RANBP2: variants seen among roughly 807,000 people sequenced by gnomAD.
RANBP2 encodes the protein E3 SUMO-protein ligase RanBP2.
A neutral mutation model predicts 303.6 loss-of-function variants in RANBP2; 57 were observed. The ratio of observed to expected loss-of-function variants is 0.19; its 90% CI spans 0.15 to 0.23. The LOEUF (loss-of-function observed/expected upper bound fraction) is 0.23, where lower values mean the gene tolerates loss of function less well. RANBP2 is among the 10% of genes least tolerant of loss of function. RANBP2 has a pLI of 1.00. For synonymous variants in RANBP2, 1,167 were observed against 1,301.5 expected (o/e 0.90, Z 2.23); for missense variants, 3,138 against 3,780.8 (o/e 0.83, Z 4.46).
At chr2:108,896,730 T>C in the RANBP2 span, 1 of 640,992 alleles carries the variant, frequency 1.6e-6, no homozygotes. Flanking sequence ...TAGTCCTTTA[T>C]CTTTGGTTAA....
At chr2:108,960,102 T>A in the RANBP2 span, among the ~76,000 whole-genome samples, 1 of 152,198 alleles carries the variant, frequency 6.6e-6, no homozygotes, top group Non-Finnish European at 1.5e-5. Flanking sequence ...GCACACCCTG[T>A]GGCTGGGTCC....
chr2:109,265,589 A>C, the RANBP2 span, among the ~76,000 whole-genome samples: 2 of 152,214 alleles, frequency 1.3e-5, no homozygotes, highest in African/African-American at 4.8e-5. Context: ...TTCCTCTCCC[A>C]GATGACTCAG....
chr2:109,145,205 G>A, the RANBP2 span, among the ~76,000 whole-genome samples: 4 of 152,156 alleles, frequency 2.6e-5, no homozygotes, highest in Non-Finnish European at 5.9e-5. Context: ...AGACAGAGCC[G>A]TGTCCTGGCT....
chr2:109,129,552 A>T, the RANBP2 span: 1 of 1,495,590 alleles, frequency 6.7e-7, no homozygotes, highest in Non-Finnish European at 8.9e-7. Flanking sequence ...TGCTGCTCGG[A>T]GCGTCCTGGC....
At chr2:109,727,947 T>C in the RANBP2 span, among the ~76,000 whole-genome samples, 1 of 152,188 alleles carries the variant, frequency 6.6e-6, no homozygotes, top group Non-Finnish European at 1.5e-5. Flanking sequence ...GCAAAGTCTA[T>C]GCTCCTTCCC....
the RANBP2 span, chr2:109,616,755 A>C: frequency 5.4e-5 from 9 of 167,114 alleles, no homozygotes; most frequent in Non-Finnish European, 1.2e-4. Flanking sequence ...TATGGTTTCC[A>C]CCTATCTCTA....
the RANBP2 span, among the ~76,000 whole-genome samples, chr2:109,424,442 A>G: frequency 6.6e-6 from 1 of 151,884 alleles, no homozygotes; most frequent in Non-Finnish European, 1.5e-5. Flanking sequence ...ACCTCATTTC[A>G]TCGCACTTCA....
the RANBP2 span, among the ~76,000 whole-genome samples, chr2:109,553,513 C>T: frequency 6.7e-6 from 1 of 149,512 alleles, no homozygotes; most frequent in African/African-American, 2.5e-5. Context: ...CACTGCACTC[C>T]AGCCTGGGTG....
the RANBP2 span, among the ~76,000 whole-genome samples, chr2:109,106,621 G>T: frequency 6.6e-6 from 1 of 152,096 alleles, no homozygotes; most frequent in Non-Finnish European, 1.5e-5. Context: ...TGGATCATGA[G>T]GTCAGGAGAT....
the RANBP2 span, chr2:108,878,452 C>G: frequency 4.6e-6 from 1 of 216,022 alleles, no homozygotes; most frequent in East Asian, 1.1e-4. Context: ...AGGAACCACG[C>G]TGGGTCTGTA....
chr2:109,237,273 T>C, the RANBP2 span, among the ~76,000 whole-genome samples: 1 of 152,194 alleles, frequency 6.6e-6, no homozygotes, highest in African/African-American at 2.4e-5. Flanking sequence ...CAATAATTAA[T>C]GTTGGAAGAC....
At chr2:109,764,207 T>C in the RANBP2 span, among the ~76,000 whole-genome samples, 1 of 149,866 alleles carries the variant, frequency 6.7e-6, no homozygotes, top group African/African-American at 2.5e-5. Context: ...AAGGTGAAGG[T>C]GTTCATTCAG....
At position 108,732,985 on chromosome 2, in the gene RANBP2, C is replaced by T. The variant is rs566836856; in HGVS notation, c.405+1511C>T. Among the ~76,000 whole-genome samples the T allele has an allele frequency of 3.3e-5, 5 of 152,050 alleles. No individual in the cohort carries two copies. The East Asian group carries it at 7.7e-4, about 24-fold the overall frequency. Reference sequence around the variant, plus strand: ...ACTACAGGCACGTGTTACCATGTCCCGCTTATTTTTGTATTTTTAGTAGAA... The same window carrying T: ...ACTACAGGCACGTGTTACCATGTCCTGCTTATTTTTGTATTTTTAGTAGAA... On this transcript the variant is annotated intron_variant, in intron 4 of 28. Transcript: ENST00000283195.
At chr2:109,028,303 C>T in the RANBP2 span, among the ~76,000 whole-genome samples, 12 of 152,238 alleles carry the variant, frequency 7.9e-5, no homozygotes, top group East Asian at 7.7e-4. Flanking sequence ...ACATATTGTT[C>T]GATTTTAAAT....
At chr2:108,794,434 A>G in the RANBP2 span, 59 of 1,029,144 alleles carry the variant, frequency 5.7e-5, no homozygotes, top group African/African-American at 7.0e-4. Flanking sequence ...GAAACTTTTT[A>G]ATGTTATATT....
chr2:108,781,914 TATATA>T (rs901535417), intron 26 of RANBP2, among the ~76,000 whole-genome samples: 1 of 152,184 alleles, frequency 6.6e-6, no homozygotes, highest in African/African-American at 2.4e-5. Flanking sequence ...AAATGAATAT[TATATA>T]AAAGAAAATG....
intron 6 of RANBP2, 52 bp downstream of exon 6, chr2:108,736,301 T>C (rs1218333455): frequency 1.2e-6 from 2 of 1,611,878 alleles, no homozygotes; most frequent in Non-Finnish European, 1.7e-6. Flanking sequence ...TTTTTCTTTT[T>C]GCAGTAAGTT....
the RANBP2 span, among the ~76,000 whole-genome samples, chr2:109,632,088 AG>A: frequency 6.6e-6 from 1 of 152,118 alleles, no homozygotes; most frequent in Non-Finnish European, 1.5e-5. Context: ...TCCCAGTAAA[AG>A]CTCTAGAACC....
the RANBP2 span, among the ~76,000 whole-genome samples, chr2:109,114,362 A>C: frequency 6.6e-6 from 1 of 152,188 alleles, no homozygotes; most frequent in Non-Finnish European, 1.5e-5. Flanking sequence ...TAGTCTTGGG[A>C]GGGTGTATGT....
Sources: gnomAD v4.1 joint callset for allele counts (sites outside exome capture counted in the v4.1 genomes callset) on GRCh38, gnomAD v4.1.1 for gene constraint, MANE v1.5 for transcripts, NCBI Gene and HGNC (gene_info 2026-07-23, HGNC 2026-07-21) for gene names.